The following RBFOX1 variants were observed in gnomAD, a reference collection of about 807,000 sequenced individuals.
RBFOX1 encodes the protein RNA binding fox-1 homolog 1, also known as RNA binding protein fox-1 homolog 1.
In RBFOX1, 8 loss-of-function variants were observed where a neutral mutation model predicts 57.7. The ratio of observed to expected loss-of-function variants is 0.14; its 90% confidence interval spans 0.08 to 0.25. The LOEUF is 0.25. Ranked by LOEUF, RBFOX1 falls within the 10% of genes least tolerant of loss-of-function variation. The pLI, the probability that RBFOX1 is intolerant of heterozygous loss-of-function variation, is 1.00. For missense variants in RBFOX1, 611 were observed against 548.5 expected, an observed-to-expected ratio of 1.11 and a Z score of -1.14; for synonymous variants, 326 against 222.4, an observed-to-expected ratio of 1.47 and a Z score of -4.15.
intron 4 of RBFOX1, among the ~76,000 whole-genome samples, chr16:7,085,981 T>C (rs1005866338): frequency 6.6e-6 from 1 of 152,134 alleles, no homozygotes; most frequent in Non-Finnish European, 1.5e-5. Flanking sequence ...ATGTGCCTGA[T>C]TGAGAACTTG....
chr16:7,155,738 T>TATATATAC (rs1364155897), intron 4 of RBFOX1, among the ~76,000 whole-genome samples: 8 of 75,520 alleles, frequency 1.1e-4, no homozygotes, highest in African/African-American at 4.9e-4. Flanking sequence ...TATATATATA[T>TATATATAC]ACACACACAC....
At chr16:5,646,488 TACTG>T (rs1333983538) in intron 3 of RBFOX1, among the ~76,000 whole-genome samples, 3 of 151,992 alleles carry the variant, frequency 2.0e-5, no homozygotes, top group African/African-American at 7.3e-5. Context: ...CAGTGAAAAA[TACTG>T]ACTGTGACAA....
At chr16:7,010,296 T>G (rs1170854559) in intron 3 of RBFOX1, among the ~76,000 whole-genome samples, 1 of 152,154 alleles carries the variant, frequency 6.6e-6, no homozygotes, top group Non-Finnish European at 1.5e-5. Flanking sequence ...TCATGAACAT[T>G]TAGAGAACAC....
chr16:6,903,813 T>C (rs2069081515), intron 3 of RBFOX1, among the ~76,000 whole-genome samples: 1 of 151,952 alleles, frequency 6.6e-6, no homozygotes, highest in Non-Finnish European at 1.5e-5. Flanking sequence ...AGGGAAGCAA[T>C]TGCATCCCCA....
chr16:6,748,628 C>T (rs1278907230), intron 3 of RBFOX1, among the ~76,000 whole-genome samples: 1 of 152,188 alleles, frequency 6.6e-6, no homozygotes, highest in East Asian at 1.9e-4. Flanking sequence ...CACTGCACTC[C>T]AGCCTGAGCA....
chr16:5,330,589 G>A (rs1320946480), intron 1 of RBFOX1, among the ~76,000 whole-genome samples: 5 of 152,004 alleles, frequency 3.3e-5, no homozygotes, highest in Admixed American at 3.3e-4. Context: ...ATTTCTAGTA[G>A]AGATGGAGAT....
At chr16:6,701,119 G>A (rs1306600199) in intron 3 of RBFOX1, among the ~76,000 whole-genome samples, 2 of 142,190 alleles carry the variant, frequency 1.4e-5, no homozygotes, top group Admixed American at 7.1e-5. Flanking sequence ...GAGTTTATCA[G>A]TGTCTCTGTG....
chr16:7,702,505 A>C (rs1453196318), intron 14 of RBFOX1, among the ~76,000 whole-genome samples: 1 of 152,224 alleles, frequency 6.6e-6, no homozygotes, highest in African/African-American at 2.4e-5. Flanking sequence ...TTGAGTTGGA[A>C]AACATAAATG....
intron 3 of RBFOX1, among the ~76,000 whole-genome samples, chr16:6,831,201 A>C (rs1162923293): frequency 2.6e-5 from 4 of 152,212 alleles, no homozygotes; most frequent in African/African-American, 9.6e-5. Context: ...AGAGGAGACA[A>C]CACAGCTTAG....
chr16:7,053,947 A>T (rs1406896680), intron 4 of RBFOX1, among the ~76,000 whole-genome samples: 1 of 152,204 alleles, frequency 6.6e-6, no homozygotes, highest in Non-Finnish European at 1.5e-5. Context: ...CAAAATTTAA[A>T]TAGTACCAAA....
At chr16:6,266,761 A>G (rs1388093311) in intron 1 of RBFOX1, among the ~76,000 whole-genome samples, 2 of 152,062 alleles carry the variant, frequency 1.3e-5, no homozygotes. Flanking sequence ...TAATAACAGA[A>G]TCCTAGAAGA....
At chr16:7,013,707 G>C (rs116037637) in intron 3 of RBFOX1, among the ~76,000 whole-genome samples, 2 of 152,170 alleles carry the variant, frequency 1.3e-5, no homozygotes, top group Non-Finnish European at 2.9e-5. Flanking sequence ...GCCCAGGCTG[G>C]AGTGCACTGG....
At chr16:6,087,451 A>T (rs187812951) in intron 1 of RBFOX1, among the ~76,000 whole-genome samples, 1 of 152,274 alleles carries the variant, frequency 6.6e-6, no homozygotes, top group African/African-American at 2.4e-5. Context: ...AACTATTGCT[A>T]ACACTTTCTA....
intron 4 of RBFOX1, among the ~76,000 whole-genome samples, chr16:5,994,249 C>A (rs571210963): frequency 3.3e-5 from 5 of 152,198 alleles, no homozygotes; most frequent in Admixed American, 3.3e-4. Flanking sequence ...GCAACCTCTG[C>A]CTCCTGGGTT....
At chr16:5,242,039 T>G (rs1431857754) in intron 1 of RBFOX1, among the ~76,000 whole-genome samples, 1 of 151,948 alleles carries the variant, frequency 6.6e-6, no homozygotes, top group Non-Finnish European at 1.5e-5. Flanking sequence ...TGCTAGAGCC[T>G]GGAAGGTCCA....
At chr16:5,780,746 G>A (rs2054299422) in intron 3 of RBFOX1, among the ~76,000 whole-genome samples, 1 of 152,166 alleles carries the variant, frequency 6.6e-6, no homozygotes, top group Non-Finnish European at 1.5e-5. Flanking sequence ...TTGAGTACAA[G>A]ATGTACAGGC....
At chr16:6,174,746 A>T (rs1396846105) in intron 1 of RBFOX1, among the ~76,000 whole-genome samples, 1 of 152,202 alleles carries the variant, frequency 6.6e-6, no homozygotes, top group Admixed American at 6.5e-5. Context: ...CTCATGCTGG[A>T]TGGTGAACTT....
At chr16:7,449,836 G>C (rs1231088691) in intron 4 of RBFOX1, among the ~76,000 whole-genome samples, 3 of 151,414 alleles carry the variant, frequency 2.0e-5, no homozygotes, top group Non-Finnish European at 1.5e-5. Context: ...AGGGTAAAGT[G>C]TTCTTCCCAT....
intron 1 of RBFOX1, among the ~76,000 whole-genome samples, chr16:6,077,555 A>G (rs558548569): frequency 4.6e-5 from 7 of 152,202 alleles, no homozygotes; most frequent in Non-Finnish European, 1.0e-4. Context: ...GATGGTTTCT[A>G]TGGAAAATTG....
Sources: allele counts gnomAD v4.1 joint callset (sites outside exome capture counted in the v4.1 genomes callset), GRCh38; gene constraint gnomAD v4.1.1; transcripts MANE v1.5; gene names NCBI Gene and HGNC (gene_info 2026-07-23, HGNC 2026-07-21).